Variants in NEDD4 observed in about 807,000 individuals in gnomAD.
NEDD4 encodes the protein NEDD4 E3 ubiquitin protein ligase.
NEDD4 carries 99 observed loss-of-function variants against 144.9 expected under a neutral mutation model. The ratio of observed to expected loss-of-function variants is 0.68; its 90% CI spans 0.58 to 0.81. The LOEUF is 0.81. NEDD4 is among the 30% of genes least tolerant of loss of function. NEDD4 has a pLI of 0.00. For synonymous variants in NEDD4, 318 were observed against 350.6 expected, an observed-to-expected ratio of 0.91 and a Z score of 1.04; for missense variants, 985 against 1,065.9, an observed-to-expected ratio of 0.92 and a Z score of 1.06.
intron 2 of NEDD4, among the ~76,000 whole-genome samples, chr15:55,965,776 G>A (rs1419598422): frequency 6.6e-5 from 10 of 151,866 alleles, no homozygotes; most frequent in African/African-American, 1.5e-4. Flanking sequence ...ATCTTGGCTC[G>A]CTGCAACCTC....
intron 1 of NEDD4, among the ~76,000 whole-genome samples, chr15:55,983,775 T>C (rs1184825515): frequency 6.6e-6 from 1 of 152,040 alleles, no homozygotes; most frequent in Non-Finnish European, 1.5e-5. Context: ...CATGCCTGGC[T>C]AATTTTTGTA....
intron 4 of NEDD4, among the ~76,000 whole-genome samples, chr15:55,945,923 A>G (rs1203205500): frequency 6.6e-6 from 1 of 152,170 alleles, no homozygotes; most frequent in East Asian, 1.9e-4. Context: ...CTTCATAAGA[A>G]AAGGAGAAAT....
intron 7 of NEDD4, among the ~76,000 whole-genome samples, 181 bp from the exon 8 acceptor site, chr15:55,869,862 TATAA>T (rs778928932): frequency 1.0e-3 from 80 of 79,608 alleles, no homozygotes; most frequent in Non-Finnish European, 1.8e-3. Context: ...GGCAAACATA[TATAA>T]ATAAATAAAT....
rs1418628047 is a variant in NEDD4, at chr15:55,827,810, G to C, written c.*2087C>G. On this transcript the variant is annotated 3_prime_UTR_variant, in exon 29 of 29. Coordinates refer to ENST00000435532, the MANE Select transcript of NEDD4 (RefSeq NM_006154.4). The stretch of plus-strand genomic sequence containing the variant: ...TTTACTTTTAAATGATTCTTTGGGA[G>C]TGTGGTCAATTTGCACACCTGACTT... 1 of 152,130 alleles carries C rather than the reference G, an allele frequency of 6.6e-6. No individual in the cohort carries two copies. Among genetic ancestry groups the C allele is most frequent in the Non-Finnish European group, 1.5e-5 (1 of 68,024 alleles). 9.4% of individuals were successfully genotyped at this position (152,130 alleles called of 1,614,324 possible). A position where few individuals can be genotyped will look rare whatever the true frequency, so the allele number is the denominator to read the frequency against.
At chr15:55,986,779 T>G (rs1336308228) in intron 1 of NEDD4, among the ~76,000 whole-genome samples, 11 of 150,842 alleles carry the variant, frequency 7.3e-5, no homozygotes, top group African/African-American at 2.7e-4. Context: ...GTATTTTTAG[T>G]GGAGATGGGG....
At chr15:55,943,259 G>A (rs2037041570) in intron 4 of NEDD4, among the ~76,000 whole-genome samples, 1 of 152,236 alleles carries the variant, frequency 6.6e-6, no homozygotes. Flanking sequence ...ATTTTGTGGG[G>A]AGGAATTCAA....
intron 1 of NEDD4, among the ~76,000 whole-genome samples, chr15:55,977,645 A>G (rs1166961098): frequency 6.6e-6 from 1 of 152,226 alleles, no homozygotes; most frequent in African/African-American, 2.4e-5. Flanking sequence ...ATCCTCAGGT[A>G]TCAGAAATAA....
intron 5 of NEDD4, among the ~76,000 whole-genome samples, chr15:55,919,650 G>A (rs1388498732): frequency 6.6e-6 from 1 of 152,146 alleles, no homozygotes; most frequent in Non-Finnish European, 1.5e-5. Flanking sequence ...GGAGGGACAT[G>A]GCAGCCCTCA....
At chr15:55,984,331 G>C (rs2037855370) in intron 1 of NEDD4, among the ~76,000 whole-genome samples, 1 of 152,180 alleles carries the variant, frequency 6.6e-6, no homozygotes, top group South Asian at 2.1e-4. Context: ...TCCCTACTGG[G>C]AGAAGGTTCT....
At chr15:55,939,194 G>A (rs149448142) in intron 4 of NEDD4, among the ~76,000 whole-genome samples, 153 of 152,198 alleles carry the variant, frequency 1.0e-3, no homozygotes, top group Middle Eastern at 3.4e-3. Context: ...ATCTCGATCC[G>A]TAATCCCCAC....
At chr15:55,992,677 A>AT (rs1242080413) in intron 1 of NEDD4, among the ~76,000 whole-genome samples, 4 of 152,228 alleles carry the variant, frequency 2.6e-5, no homozygotes, top group Non-Finnish European at 5.9e-5. Context: ...CAGAAGCCAC[A>AT]TATCATTTAC....
intron 21 of NEDD4, among the ~76,000 whole-genome samples, chr15:55,840,036 AT>A (rs1566901309): frequency 1.1e-3 from 107 of 93,588 alleles, no homozygotes; most frequent in Non-Finnish European, 2.0e-3. Context: ...ATATATATAT[AT>A]ATATAACATT....
In NEDD4 at chr15:55,848,774, A is replaced by G. The variant is rs184029513; in HGVS notation, c.1428+32T>C. The G allele has an allele frequency of 9.7e-5, 154 of 1,581,588 alleles. 1 individual carries two copies. The Admixed American group carries it at 1.6e-3, about 16-fold the overall frequency. On this transcript the variant is annotated intron_variant, in intron 15 of 28. Transcript: ENST00000435532. ...AAATGCAAAATATTTGAGATAGCCAAGTTAGATGGGTTAGCATTTCTATAC... is the reference window on the plus strand; with the variant it reads ...AAATGCAAAATATTTGAGATAGCCAGGTTAGATGGGTTAGCATTTCTATAC...
chr15:55,832,624 T>C (rs2033008527), intron 27 of NEDD4, among the ~76,000 whole-genome samples: 1 of 152,138 alleles, frequency 6.6e-6, no homozygotes, highest in Non-Finnish European at 1.5e-5. Flanking sequence ...CTGTGTTGGC[T>C]AGGCTCATCT....
At chr15:55,971,524 C>T (rs1425161357) in intron 1 of NEDD4, among the ~76,000 whole-genome samples, 1 of 151,484 alleles carries the variant, frequency 6.6e-6, no homozygotes, top group Non-Finnish European at 1.5e-5. Flanking sequence ...ACTCAGGAGG[C>T]TGAGGCAGGA....
chr15:55,931,513 A>T (rs1365452435), intron 4 of NEDD4, among the ~76,000 whole-genome samples: 2 of 152,254 alleles, frequency 1.3e-5, no homozygotes, highest in Non-Finnish European at 2.9e-5. Flanking sequence ...AGGCAAAAGC[A>T]GAAAAAAAAT....
At chr15:55,892,820 G>A (rs1210074855) in intron 5 of NEDD4, among the ~76,000 whole-genome samples, 2 of 152,012 alleles carry the variant, frequency 1.3e-5, no homozygotes, top group Non-Finnish European at 2.9e-5. Flanking sequence ...ATATAGAGAT[G>A]CTTTACCTTT....
chr15:55,882,651 C>A (rs941326533), intron 5 of NEDD4, among the ~76,000 whole-genome samples: 2 of 152,120 alleles, frequency 1.3e-5, no homozygotes, highest in African/African-American at 4.8e-5. Flanking sequence ...TGGATTGGAA[C>A]CAGTGGACTT....
chr15:55,880,975 G>T (rs2035170763), intron 5 of NEDD4, among the ~76,000 whole-genome samples: 1 of 152,044 alleles, frequency 6.6e-6, no homozygotes, highest in African/African-American at 2.4e-5. Flanking sequence ...ATTTCAAACA[G>T]GTATATCCAA....
Sources: allele counts gnomAD v4.1 joint callset (sites outside exome capture counted in the v4.1 genomes callset), GRCh38; gene constraint gnomAD v4.1.1; transcripts MANE v1.5; gene names NCBI Gene and HGNC (gene_info 2026-07-23, HGNC 2026-07-21).